The following FAM171A1 variants were observed in gnomAD, a reference collection of about 807,000 sequenced individuals.
FAM171A1 encodes protein FAM171A1.
Under a neutral mutation model 74.9 loss-of-function variants are expected in FAM171A1, and 23 were observed. That is an observed-to-expected ratio of 0.31 (90% CI 0.22 to 0.44). The LOEUF is 0.44. Ranked by LOEUF, FAM171A1 falls within the 20% of genes least tolerant of loss-of-function variation. FAM171A1 has a pLI of 1.00. For missense variants in FAM171A1, 1,162 were observed against 1,159.2 expected (o/e 1.00, Z -0.03); for synonymous variants, 527 against 505.7 (o/e 1.04, Z -0.57).
intron 2 of FAM171A1, among the ~76,000 whole-genome samples, chr10:15,276,741 G>A (rs1465193379): frequency 6.6e-6 from 1 of 152,038 alleles, no homozygotes; most frequent in African/African-American, 2.4e-5. Context: ...CTGGAGTGCA[G>A]TGGCACGGTT....
chr10:15,359,413 T>G (rs1367791130), intron 1 of FAM171A1, among the ~76,000 whole-genome samples: 1 of 152,164 alleles, frequency 6.6e-6, no homozygotes, highest in Non-Finnish European at 1.5e-5. Context: ...GGAAGTCACT[T>G]GTCCAGAACC....
chr10:15,326,718 C>T (rs1835559675), intron 1 of FAM171A1, among the ~76,000 whole-genome samples: 2 of 152,006 alleles, frequency 1.3e-5, no homozygotes, highest in South Asian at 4.2e-4. Context: ...GCCTCTGTCC[C>T]CCAGGTTCAA....
chr10:15,234,151 G>GA (rs988329525), intron 5 of FAM171A1, among the ~76,000 whole-genome samples: 345 of 145,108 alleles, frequency 2.4e-3, no homozygotes, highest in African/African-American at 8.1e-3. Flanking sequence ...CATTCGAAAG[G>GA]AAAAAAAAAA....
chr10:15,281,584 G>C (rs1484917391), intron 2 of FAM171A1, among the ~76,000 whole-genome samples: 1 of 152,132 alleles, frequency 6.6e-6, no homozygotes, highest in Admixed American at 6.6e-5. Flanking sequence ...GATATCAGCC[G>C]GGCACAGTGG....
chr10:15,237,202 T>A (rs1054578491), intron 5 of FAM171A1, among the ~76,000 whole-genome samples: 1 of 152,152 alleles, frequency 6.6e-6, no homozygotes, highest in Admixed American at 6.5e-5. Flanking sequence ...ATAAAACCTC[T>A]ACAACTCCAA....
At chr10:15,310,498 G>A (rs142111781) in intron 1 of FAM171A1, among the ~76,000 whole-genome samples, 2 of 152,234 alleles carry the variant, frequency 1.3e-5, no homozygotes, top group Non-Finnish European at 2.9e-5. Context: ...AGCCTAACCT[G>A]TTCTGCAACC....
chr10:15,343,087 G>T (rs1835783012), intron 1 of FAM171A1, among the ~76,000 whole-genome samples: 1 of 152,244 alleles, frequency 6.6e-6, no homozygotes, highest in Admixed American at 6.5e-5. Context: ...ATAATTACCT[G>T]TGGGCAGGGC....
chr10:15,363,021 A>G (rs893251023), intron 1 of FAM171A1, among the ~76,000 whole-genome samples: 1 of 152,248 alleles, frequency 6.6e-6, no homozygotes, highest in African/African-American at 2.4e-5. Flanking sequence ...GTCTTCATAC[A>G]GCAGATGCTA....
At chr10:15,335,640 CTTG>C (rs1564283248) in intron 1 of FAM171A1, among the ~76,000 whole-genome samples, 1 of 152,156 alleles carries the variant, frequency 6.6e-6, no homozygotes, top group Non-Finnish European at 1.5e-5. Flanking sequence ...AGATGCTGAA[CTTG>C]TTTGATTCAC....
rs543181655 is a variant in FAM171A1 at position 15,213,790 on chromosome 10, G to A, written c.1798C>T (p.Pro600Ser). The stretch of plus-strand genomic sequence containing the variant: ...TGCTGATCAGCCGGGACGACGAGGG[G>A]CTGGCTGACATAGGAGTGGTCCCCG... ...LPGDHSYVSQ[P>S]LVVPADQQLE... Residue 600 changes from proline (P) to serine (S), a missense_variant, in exon 8 of 8, where the codon CCC (proline) becomes TCC (serine). Coordinates refer to ENST00000378116, the MANE Select transcript of FAM171A1 (RefSeq NM_001010924.2). The surrounding 1 kb of genome is among the most constrained non-coding windows in gnomAD (Gnocchi z 6.8). The A allele has an allele frequency of 1.4e-5, 23 of 1,614,178 alleles. No individual in the cohort carries two copies. In the South Asian group the frequency reaches 1.9e-4, roughly 13 times the overall value.
rs778564360 is a variant in FAM171A1, at chr10:15,254,870, G to C, written c.428C>G (p.Pro143Arg). The change falls in exon 4 of 8, where the codon CCA becomes CGA. Residue 143 changes from proline to arginine, a missense_variant. Physicochemically the swap from Pro to Arg is moderately radical, Grantham distance 103. Coordinates refer to ENST00000378116, the MANE Select transcript of FAM171A1 (RefSeq NM_001010924.2). The part of the protein sequence containing the change: ...QIVSGFQGAR[P>R]QPRVHFQRRA... ...TCTCTGGAAATGAACGCGAGGCTGT[G>C]GCCGGGCACCTGCAGAGATTAACCT... The C allele has an allele frequency of 6.2e-6, 10 of 1,613,622 alleles. No homozygotes were observed. Among genetic ancestry groups the C allele is most frequent in the Non-Finnish European group, 8.5e-6 (10 of 1,179,664 alleles).
At chr10:15,357,948 G>A (rs1234224145) in intron 1 of FAM171A1, among the ~76,000 whole-genome samples, 1 of 152,158 alleles carries the variant, frequency 6.6e-6, no homozygotes, top group Admixed American at 6.5e-5. Context: ...AGTTTTCTGA[G>A]TCTTTGTATA....
In FAM171A1 at chr10:15,213,839, G is replaced by A; in HGVS notation, c.1749C>T (p.Ile583=). The A allele has an allele frequency of 6.2e-7, 1 of 1,614,166 alleles. No individual in the cohort carries two copies. Among genetic ancestry groups the A allele is most frequent in the Non-Finnish European group, 8.5e-7 (1 of 1,180,026 alleles). The change falls in exon 8 of 8, where the codon ATC becomes ATT. Residue 583 remains isoleucine (I), a synonymous_variant. Coordinates refer to ENST00000378116, the MANE Select transcript of FAM171A1 (RefSeq NM_001010924.2). This position sits in a 1 kb window ranked among gnomAD's most constrained non-coding sequence, Gnocchi z 6.8. ...VYRKVLPALV[I]PAHYMKLPGD... is the part of the protein sequence containing the mutation. Reference sequence around the variant, plus strand: ...CGGGGAGTTTCATATAATGAGCCGGGATGACCAAGGCAGGCAGTACTTTCC... The same window carrying A: ...CGGGGAGTTTCATATAATGAGCCGGAATGACCAAGGCAGGCAGTACTTTCC...
rs200063390 is a variant in FAM171A1 at position 15,254,889 on chromosome 10, T to A, written c.419-10A>T. The A allele has an allele frequency of 4.5e-5, 73 of 1,610,602 alleles. No homozygotes were observed. The highest frequency in any genetic ancestry group is 3.2e-5 in the Non-Finnish European group (38 of 1,177,500). ...GGCTGTGGCCGGGCACCTGCAGAGA[T>A]TAACCTCCGAGTTATCTCCCCCAGG... On this transcript the variant is annotated splice_polypyrimidine_tract_variant and intron_variant, in intron 3 of 7. Coordinates refer to ENST00000378116, the MANE Select transcript of FAM171A1 (RefSeq NM_001010924.2).
rs746749391 is a variant in FAM171A1 at position 15,254,859 on chromosome 10, C to T, written c.439G>A (p.Val147Ile). ...CTCAGAGCCCTTCTCTGGAAATGAA[C>T]GCGAGGCTGTGGCCGGGCACCTGCA... ...GFQGARPQPR[V>I]HFQRRALRLP... Residue 147 changes from valine (V) to isoleucine (I), a missense_variant, in exon 4 of 8, where the codon GTT (valine) becomes ATT (isoleucine). By Grantham distance (29) the Val-to-Ile change is conservative. Transcript: ENST00000378116. 3.7e-5 allele frequency: 59 copies of T among 1,613,870 alleles called. No homozygotes were observed. In the East Asian group the frequency reaches 4.7e-4, roughly 13 times the overall value.
intron 1 of FAM171A1, among the ~76,000 whole-genome samples, chr10:15,312,073 C>G (rs1448587583): frequency 6.6e-6 from 1 of 152,350 alleles, no homozygotes; most frequent in South Asian, 2.1e-4. Context: ...CCCAGCAGAG[C>G]TGAGATTCAA....
intron 1 of FAM171A1, among the ~76,000 whole-genome samples, chr10:15,287,610 T>A (rs1835053273): frequency 6.6e-6 from 1 of 151,996 alleles, no homozygotes; most frequent in Non-Finnish European, 1.5e-5. Flanking sequence ...ATGGTCTTGA[T>A]CTCTTGACCT....
intron 3 of FAM171A1, among the ~76,000 whole-genome samples, chr10:15,265,280 T>C (rs1156817205): frequency 6.6e-6 from 1 of 152,024 alleles, no homozygotes; most frequent in Non-Finnish European, 1.5e-5. Flanking sequence ...TGTGTGTTTG[T>C]GTGTGTACTG....
intron 1 of FAM171A1, among the ~76,000 whole-genome samples, chr10:15,319,742 A>T (rs1225647359): frequency 1.3e-5 from 2 of 152,116 alleles, no homozygotes; most frequent in Non-Finnish European, 2.9e-5. Context: ...CTGTCCAGGG[A>T]TTTTGAACCT....
Sources: allele counts gnomAD v4.1 joint callset (sites outside exome capture counted in the v4.1 genomes callset), GRCh38; gene constraint gnomAD v4.1.1; non-coding constraint Gnocchi (gnomAD v3.1); transcripts MANE v1.5; gene names NCBI Gene and HGNC (gene_info 2026-07-23, HGNC 2026-07-21).